Variants in PCDHGA5 observed in about 807,000 individuals in gnomAD.
PCDHGA5 encodes protocadherin gamma subfamily A, 5, also known as protocadherin gamma-A5.
Under a neutral mutation model 56.7 loss-of-function variants are expected in PCDHGA5, and 36 were observed. The ratio of observed to expected loss-of-function variants is 0.64; its 90% confidence interval spans 0.49 to 0.84. The LOEUF is 0.84. Ranked by LOEUF, PCDHGA5 falls within the 40% of genes least tolerant of loss-of-function variation. The pLI is 0.00. For missense variants in PCDHGA5, 1,305 were observed against 1,201.5 expected, an observed-to-expected ratio of 1.09 and a Z score of -1.27; for synonymous variants, 563 against 520.2, an observed-to-expected ratio of 1.08 and a Z score of -1.12.
rs373446844 is a variant in PCDHGA5, at chr5:141,486,661, G to A, written c.2422-8146G>A. The A allele has an allele frequency of 3.1e-6, 5 of 1,613,836 alleles. No individual in the cohort carries two copies. In the African/African-American group the frequency reaches 4.0e-5, roughly 13 times the overall value. On this transcript the variant is annotated intron_variant, in intron 1 of 3. Transcript: ENST00000518069. The surrounding 1 kb of genome is among the most constrained non-coding windows in gnomAD (Gnocchi z 5.0). The stretch of plus-strand genomic sequence containing the variant: ...CGCTTATCTCCTACTCACTCCTGGA[G>A]CCCAGGAATCGAGATGTATCAGCTT...
chr5:141,377,114 GA>G (rs1209005663), intron 1 of PCDHGA5: 4 of 152,232 alleles, frequency 2.6e-5, no homozygotes, highest in African/African-American at 9.7e-5. Flanking sequence ...AGAATGTTCT[GA>G]AGTCTTAATT....
At chr5:141,418,599 A>G in intron 1 of PCDHGA5, 1 of 1,614,054 alleles carries the variant, frequency 6.2e-7, no homozygotes, top group South Asian at 1.1e-5. Flanking sequence ...CAGGACGTGT[A>G]CAGGGTTAGC....
chr5:141,404,752 G>C, intron 1 of PCDHGA5: 1 of 1,614,010 alleles, frequency 6.2e-7, no homozygotes, highest in Non-Finnish European at 8.5e-7. Flanking sequence ...ACTCAGGCCA[G>C]AATGCTTGGC....
intron 1 of PCDHGA5, among the ~76,000 whole-genome samples, chr5:141,449,298 T>C (rs1197693931): frequency 6.6e-6 from 1 of 152,058 alleles, no homozygotes; most frequent in Non-Finnish European, 1.5e-5. Flanking sequence ...CCGGGTGAAT[T>C]ATATGTATTA....
chr5:141,425,881 A>T (rs911454948), intron 1 of PCDHGA5, among the ~76,000 whole-genome samples: 1 of 152,230 alleles, frequency 6.6e-6, no homozygotes, highest in Non-Finnish European at 1.5e-5. Flanking sequence ...TCTCTAAGGA[A>T]TCTTCTTTGG....
At position 141,490,221 on chromosome 5, in the gene PCDHGA5, G is replaced by A; in HGVS notation, c.2422-4586G>A. 6.2e-7 allele frequency: 1 copy of A among 1,614,236 alleles called. No individual in the cohort carries two copies. The highest frequency in any genetic ancestry group is 1.1e-5 in the South Asian group (1 of 91,084). ...ATGCAAGAGCCCGTGACCAGGGACAGCCTGCCATGGAGGGCCACTGTGTGA... is the reference window on the plus strand; with the variant it reads ...ATGCAAGAGCCCGTGACCAGGGACAACCTGCCATGGAGGGCCACTGTGTGA... On this transcript the variant is annotated intron_variant, in intron 1 of 3. Transcript: ENST00000518069. The surrounding 1 kb of genome is among the most constrained non-coding windows in gnomAD (Gnocchi z 5.4).
chr5:141,492,740 C>T (rs1364102818), intron 1 of PCDHGA5, among the ~76,000 whole-genome samples: 1 of 152,238 alleles, frequency 6.6e-6, no homozygotes, highest in African/African-American at 2.4e-5. Context: ...GCCCAGTGGC[C>T]GAGGCGCGGC....
intron 3 of PCDHGA5, among the ~76,000 whole-genome samples, chr5:141,505,999 G>A (rs891447053): frequency 1.3e-5 from 2 of 152,172 alleles, no homozygotes; most frequent in African/African-American, 4.8e-5. Flanking sequence ...TTTATGCGAG[G>A]CTCCTCTTTT....
intron 1 of PCDHGA5, chr5:141,409,940 C>G: frequency 6.2e-7 from 1 of 1,613,236 alleles, no homozygotes. Flanking sequence ...TATGGTACCT[C>G]GCTCTGCAGA....
At chr5:141,366,966 A>C in intron 1 of PCDHGA5, 1 of 605,066 alleles carries the variant, frequency 1.7e-6, no homozygotes. Context: ...TAAGTGAAAC[A>C]AATACCTTAA....
intron 3 of PCDHGA5, among the ~76,000 whole-genome samples, chr5:141,510,329 A>G (rs1433056614): frequency 6.7e-6 from 1 of 150,230 alleles, no homozygotes; most frequent in South Asian, 2.1e-4. Context: ...AGCACTCTTC[A>G]CCCCCACCCC....
chr5:141,398,367 G>A, intron 1 of PCDHGA5: 1 of 1,430,476 alleles, frequency 7.0e-7, no homozygotes, highest in Non-Finnish European at 9.7e-7. Context: ...TGAGCGCAGA[G>A]AGCGGGGAGT....
intron 1 of PCDHGA5, among the ~76,000 whole-genome samples, chr5:141,450,006 CTTTTT>C (rs1554136305): frequency 1.5e-5 from 2 of 132,980 alleles, no homozygotes; most frequent in African/African-American, 2.8e-5. Flanking sequence ...TGCCATGTCT[CTTTTT>C]TTTTTTTTTT....
chr5:141,409,803 C>T (rs779815582), intron 1 of PCDHGA5: 3 of 1,611,528 alleles, frequency 1.9e-6, no homozygotes, highest in African/African-American at 1.3e-5. Flanking sequence ...ACGCTGCAGG[C>T]CCGCGACCAC....
At position 141,490,108 on chromosome 5, in the gene PCDHGA5, C is replaced by T. The variant is rs566655929; in HGVS notation, c.2422-4699C>T. 1.4e-5 allele frequency: 22 copies of T among 1,614,244 alleles called. No individual in the cohort carries two copies. Among genetic ancestry groups the T allele is most frequent in the South Asian group, 5.5e-5 (5 of 91,090 alleles). The stretch of plus-strand genomic sequence containing the variant: ...TGGAGACCACACATCTGAGGCAGTG[C>T]GGAACCTCTTTGGCCTAGACCCTAG... On this transcript the variant is annotated intron_variant, in intron 1 of 3. Coordinates refer to ENST00000518069, the MANE Select transcript of PCDHGA5 (RefSeq NM_018918.3). This position sits in a 1 kb window ranked among gnomAD's most constrained non-coding sequence, Gnocchi z 5.4.
At chr5:141,475,329 A>G (rs1229101617) in intron 1 of PCDHGA5, among the ~76,000 whole-genome samples, 1 of 152,266 alleles carries the variant, frequency 6.6e-6, no homozygotes, top group Non-Finnish European at 1.5e-5. Context: ...AATGAGAGCT[A>G]ACAATGACAT....
At chr5:141,492,962 C>A (rs1197532146) in intron 1 of PCDHGA5, among the ~76,000 whole-genome samples, 2 of 152,258 alleles carry the variant, frequency 1.3e-5, no homozygotes, top group African/African-American at 2.4e-5. Flanking sequence ...CTATCTGACA[C>A]TCTAACAAGT....
chr5:141,415,167 C>T (rs769256903), intron 1 of PCDHGA5: 3 of 1,613,894 alleles, frequency 1.9e-6, no homozygotes, highest in Admixed American at 3.3e-5. Flanking sequence ...CTGTCACGCT[C>T]ACCGTGGCCG....
At chr5:141,427,228 T>C (rs2097002884) in intron 1 of PCDHGA5, 1 of 456,550 alleles carries the variant, frequency 2.2e-6, no homozygotes, top group South Asian at 1.5e-5. Context: ...AGTTATACCA[T>C]GAGAGTAGAA....
Sources: allele counts gnomAD v4.1 joint callset (sites outside exome capture counted in the v4.1 genomes callset), GRCh38; gene constraint gnomAD v4.1.1; non-coding constraint Gnocchi (gnomAD v3.1); transcripts MANE v1.5; gene names NCBI Gene and HGNC (gene_info 2026-07-23, HGNC 2026-07-21).